The following CDK6 variants were observed in gnomAD, a reference collection of about 807,000 sequenced individuals.
CDK6 encodes cyclin-dependent kinase 6.
In CDK6, 6 loss-of-function variants were observed where a neutral mutation model predicts 37.1. The observed-to-expected ratio is 0.16, with a 90% CI of 0.09 to 0.32. The LOEUF (loss-of-function observed/expected upper bound fraction) is 0.32. Among genes scored for constraint, CDK6 ranks in the 10% least tolerant of loss-of-function variants. CDK6 has a pLI of 1.00. For synonymous variants in CDK6, 160 were observed against 161.3 expected (o/e 0.99, Z 0.06); for missense variants, 224 against 418.9 (o/e 0.53, Z 4.06).
At chr7:92,629,089 T>C (rs191913149) in intron 5 of CDK6, among the ~76,000 whole-genome samples, 38 of 151,630 alleles carry the variant, frequency 2.5e-4, no homozygotes, top group African/African-American at 8.0e-4. Flanking sequence ...AAAAAACAAT[T>C]TAAAGCCCAA....
At chr7:92,622,817 C>A (rs1304262695) in intron 6 of CDK6, among the ~76,000 whole-genome samples, 1 of 152,092 alleles carries the variant, frequency 6.6e-6, no homozygotes, top group Non-Finnish European at 1.5e-5. Context: ...AAGATCCACA[C>A]AAGCAACATA....
intron 6 of CDK6, among the ~76,000 whole-genome samples, chr7:92,618,842 C>G (rs549003886): frequency 8.4e-4 from 128 of 152,216 alleles, no homozygotes; most frequent in African/African-American, 3.0e-3. Flanking sequence ...AATTAAAAGA[C>G]TATTATTTAT....
At chr7:92,786,261 T>C (rs1800129660) in intron 2 of CDK6, among the ~76,000 whole-genome samples, 1 of 152,178 alleles carries the variant, frequency 6.6e-6, no homozygotes, top group Non-Finnish European at 1.5e-5. Flanking sequence ...AACCAAGCTT[T>C]ACCTACACTG....
At position 92,605,634 on chromosome 7, in the gene CDK6, A is replaced by G. The variant is rs1226103954; in HGVS notation, c.*9506T>C. On this transcript the variant is annotated 3_prime_UTR_variant, in exon 8 of 8. Transcript: ENST00000424848. ...GCATTCAGCTCAGAGCATTCTGAAG[A>G]CAGTAGCCTTAGAGATAAGCTTTCT... 1 of 233,230 alleles carries G rather than the reference A, an allele frequency of 4.3e-6. No homozygotes were observed. The highest frequency in any genetic ancestry group is 8.5e-6 in the Non-Finnish European group (1 of 118,024). 14.4% of individuals were successfully genotyped at this position (233,230 alleles called of 1,614,324 possible).
intron 5 of CDK6, among the ~76,000 whole-genome samples, chr7:92,659,957 G>A (rs778645350): frequency 1.1e-4 from 16 of 152,152 alleles, no homozygotes; most frequent in South Asian, 8.3e-4. Flanking sequence ...AACAAGAAGG[G>A]CCGAGAAATC....
intron 4 of CDK6, among the ~76,000 whole-genome samples, chr7:92,692,924 TGA>T (rs1211752804): frequency 1.3e-5 from 2 of 152,160 alleles, no homozygotes; most frequent in Non-Finnish European, 2.9e-5. Flanking sequence ...AAGAAAAAAT[TGA>T]GAGAGAAAAA....
intron 3 of CDK6, among the ~76,000 whole-genome samples, chr7:92,733,328 C>T (rs1798697278): frequency 6.6e-6 from 1 of 152,186 alleles, no homozygotes; most frequent in South Asian, 2.1e-4. Context: ...ATGGCTCATC[C>T]TGTTTACCCC....
chr7:92,817,944 C>A (rs1229249166), intron 2 of CDK6, among the ~76,000 whole-genome samples: 1 of 151,846 alleles, frequency 6.6e-6, no homozygotes, highest in Non-Finnish European at 1.5e-5. Context: ...GGGCATTACA[C>A]TAAAAGCTAC....
chr7:92,809,422 A>G lies in CDK6; in HGVS notation c.233+23669T>C, dbSNP rs150301548. ...CCTATTCTGGACCATTCAGAAAGTG[A>G]TGAGGGACCCAAGGGGCAGATCCAC... On this transcript the variant is annotated intron_variant, in intron 2 of 7. Coordinates refer to ENST00000424848, the MANE Select transcript of CDK6 (RefSeq NM_001145306.2). 3.5e-3 allele frequency among the ~76,000 whole-genome samples: 533 copies of G among 152,314 alleles called. 2 individuals carry two copies. Among genetic ancestry groups the G allele is most frequent in the Non-Finnish European group, 6.7e-3 (459 of 68,026 alleles).
chr7:92,755,343 G>T (rs535025113), intron 3 of CDK6, among the ~76,000 whole-genome samples: 38 of 151,546 alleles, frequency 2.5e-4, no homozygotes, highest in African/African-American at 9.2e-4. Flanking sequence ...TTTTTTTAAC[G>T]GTCATTTCCT....
chr7:92,725,477 C>T (rs1585431920), intron 4 of CDK6, 149 bp downstream of exon 4: 1 of 1,021,644 alleles, frequency 9.8e-7, no homozygotes, highest in Non-Finnish European at 1.4e-6. Flanking sequence ...TGCTTTCTGC[C>T]TACCCACTGC....
At chr7:92,734,258 G>A (rs1798729024) in intron 3 of CDK6, among the ~76,000 whole-genome samples, 1 of 152,108 alleles carries the variant, frequency 6.6e-6, no homozygotes, top group South Asian at 2.1e-4. Context: ...TAGCGGGTCT[G>A]GTCCGCCTTC....
At chr7:92,743,962 C>T (rs1798994965) in intron 3 of CDK6, among the ~76,000 whole-genome samples, 1 of 152,142 alleles carries the variant, frequency 6.6e-6, no homozygotes, top group Admixed American at 6.5e-5. Flanking sequence ...ACTAGTAAAA[C>T]ATCATCAAAC....
chr7:92,668,671 A>G (rs1007614727), intron 5 of CDK6, among the ~76,000 whole-genome samples: 10 of 152,198 alleles, frequency 6.6e-5, no homozygotes, highest in Admixed American at 3.9e-4. Flanking sequence ...TTAAGAGCCT[A>G]TGGCTTGTGA....
At chr7:92,695,294 GA>G (rs1562938423) in intron 4 of CDK6, among the ~76,000 whole-genome samples, 1 of 150,328 alleles carries the variant, frequency 6.7e-6, no homozygotes, top group Non-Finnish European at 1.5e-5. Context: ...AAGAAAGAAA[GA>G]AAGAAAGAAA....
At chr7:92,754,922 G>C (rs1457715320) in intron 3 of CDK6, among the ~76,000 whole-genome samples, 1 of 152,094 alleles carries the variant, frequency 6.6e-6, no homozygotes, top group Non-Finnish European at 1.5e-5. Flanking sequence ...TGCCGCTCTA[G>C]TCCCCTTCCC....
chr7:92,777,925 T>C (rs1799890849), intron 2 of CDK6, among the ~76,000 whole-genome samples: 1 of 152,098 alleles, frequency 6.6e-6, no homozygotes, highest in Non-Finnish European at 1.5e-5. Context: ...TGGTTTGTGG[T>C]TCTCCTTAAA....
chr7:92,700,134 A>C (rs536751177), intron 4 of CDK6, among the ~76,000 whole-genome samples: 5 of 152,162 alleles, frequency 3.3e-5, no homozygotes, highest in Admixed American at 3.3e-4. Flanking sequence ...TGGTAGAGAG[A>C]GCAACATGAG....
intron 2 of CDK6, among the ~76,000 whole-genome samples, chr7:92,814,636 G>C (rs1409657089): frequency 6.7e-6 from 1 of 149,914 alleles, no homozygotes. Context: ...AGTTCAAAAT[G>C]GTGGACCTAT....
Sources: allele counts gnomAD v4.1 joint callset (sites outside exome capture counted in the v4.1 genomes callset), GRCh38; gene constraint gnomAD v4.1.1; transcripts MANE v1.5; gene names NCBI Gene and HGNC (gene_info 2026-07-23, HGNC 2026-07-21).